ZMAT4: variants seen among roughly 807,000 people sequenced by gnomAD.
The protein encoded by ZMAT4 is zinc finger matrin-type protein 4.
Under a neutral mutation model 28.7 loss-of-function variants are expected in ZMAT4, and 17 were observed. The observed-to-expected ratio is 0.59, with a 90% confidence interval of 0.41 to 0.89. ZMAT4 has a LOEUF of 0.89. Ranked by LOEUF, ZMAT4 falls within the 40% of genes least tolerant of loss-of-function variation. The probability of loss-of-function intolerance (pLI) is 0.00; values close to 1 mark genes in which losing one functional copy is unlikely to be tolerated. For synonymous variants in ZMAT4, 117 were observed against 109.2 expected, an observed-to-expected ratio of 1.07 and a Z score of -0.44; for missense variants, 240 against 283.8, an observed-to-expected ratio of 0.85 and a Z score of 1.11.
intron 5 of ZMAT4, among the ~76,000 whole-genome samples, chr8:40,632,157 G>A (rs1446334296): frequency 6.6e-6 from 1 of 152,186 alleles, no homozygotes; most frequent in Non-Finnish European, 1.5e-5. Flanking sequence ...CTGGGGTGAA[G>A]TATTTGGTGC....
At chr8:40,557,045 A>T (rs1255778597) in intron 6 of ZMAT4, among the ~76,000 whole-genome samples, 3 of 152,130 alleles carry the variant, frequency 2.0e-5, no homozygotes, top group Middle Eastern at 3.2e-3. Context: ...CCTCCATGAG[A>T]TCAATTTTTT....
chr8:40,851,748 C>T (rs1817114846), intron 1 of ZMAT4, among the ~76,000 whole-genome samples: 1 of 152,074 alleles, frequency 6.6e-6, no homozygotes, highest in African/African-American at 2.4e-5. Context: ...ATTTAATGTC[C>T]TCCCTTATAG....
intron 3 of ZMAT4, among the ~76,000 whole-genome samples, chr8:40,734,283 A>C (rs1293235978): frequency 2.6e-5 from 4 of 152,204 alleles, no homozygotes; most frequent in African/African-American, 7.2e-5. Flanking sequence ...ACCCCACTGC[A>C]ACAATAAAAA....
At chr8:40,772,333 T>C (rs1813419474) in intron 2 of ZMAT4, among the ~76,000 whole-genome samples, 1 of 152,204 alleles carries the variant, frequency 6.6e-6, no homozygotes, top group African/African-American at 2.4e-5. Flanking sequence ...AAATGGAAAT[T>C]CAGGCCAGCC....
intron 5 of ZMAT4, among the ~76,000 whole-genome samples, chr8:40,611,402 G>A (rs192601677): frequency 7.9e-5 from 12 of 151,462 alleles, no homozygotes; most frequent in South Asian, 4.2e-4. Context: ...ACCCAGTGGC[G>A]CGATCTCTGC....
intron 1 of ZMAT4, among the ~76,000 whole-genome samples, chr8:40,862,346 C>G (rs1030912845): frequency 6.9e-6 from 1 of 144,118 alleles, no homozygotes; most frequent in Non-Finnish European, 1.5e-5. Context: ...CGCATATTCT[C>G]ACTCATAGGT....
chr8:40,808,846 T>C (rs1815199221), intron 2 of ZMAT4, among the ~76,000 whole-genome samples: 1 of 120,736 alleles, frequency 8.3e-6, no homozygotes, highest in Admixed American at 8.4e-5. Context: ...GGATGCCAAC[T>C]ATTTAAAAAA....
chr8:40,715,059 A>AAAAAAAAAG (rs1810789944), intron 3 of ZMAT4, among the ~76,000 whole-genome samples: 1 of 151,368 alleles, frequency 6.6e-6, no homozygotes, highest in East Asian at 1.9e-4. Context: ...AAAAAAAAAA[A>AAAAAAAAAG]AAAAAGTGTG....
chr8:40,667,854 A>C (rs1236045506), intron 5 of ZMAT4, among the ~76,000 whole-genome samples: 1 of 146,696 alleles, frequency 6.8e-6, no homozygotes, highest in Non-Finnish European at 1.5e-5. Flanking sequence ...AAAAACAACA[A>C]AAAAAAAAAC....
At chr8:40,613,867 G>A (rs1245157954) in intron 5 of ZMAT4, among the ~76,000 whole-genome samples, 2 of 152,178 alleles carry the variant, frequency 1.3e-5, no homozygotes, top group Non-Finnish European at 1.5e-5. Flanking sequence ...TGGAAGTGTG[G>A]GAGAGTTGGC....
intron 6 of ZMAT4, among the ~76,000 whole-genome samples, chr8:40,552,531 T>A (rs1012446884): frequency 6.6e-6 from 1 of 152,180 alleles, no homozygotes; most frequent in Non-Finnish European, 1.5e-5. Flanking sequence ...TTAACTAACA[T>A]TTACTGAACT....
intron 1 of ZMAT4, among the ~76,000 whole-genome samples, chr8:40,841,758 T>C (rs753921909): frequency 3.0e-4 from 45 of 152,336 alleles, no homozygotes; most frequent in Non-Finnish European, 5.9e-4. Context: ...TAAAATGCAC[T>C]GGGAATGGAG....
intron 2 of ZMAT4, among the ~76,000 whole-genome samples, chr8:40,819,734 G>C (rs1815679630): frequency 6.6e-6 from 1 of 152,014 alleles, no homozygotes; most frequent in African/African-American, 2.4e-5. Flanking sequence ...TGCATGTATG[G>C]CTGGCTTGAT....
intron 4 of ZMAT4, among the ~76,000 whole-genome samples, chr8:40,682,984 G>A (rs886919170): frequency 2.0e-5 from 3 of 152,176 alleles, no homozygotes; most frequent in Non-Finnish European, 1.5e-5. Context: ...TCCAAAGGCT[G>A]TAATATTGCA....
intron 1 of ZMAT4, among the ~76,000 whole-genome samples, chr8:40,863,143 G>A (rs759926082): frequency 1.3e-5 from 2 of 152,112 alleles, no homozygotes; most frequent in Non-Finnish European, 2.9e-5. Flanking sequence ...AGCAAGCCAC[G>A]CAGCACCATG....
At chr8:40,558,959 C>T (rs982226550) in intron 6 of ZMAT4, among the ~76,000 whole-genome samples, 2 of 152,206 alleles carry the variant, frequency 1.3e-5, no homozygotes, top group Admixed American at 1.3e-4. Context: ...TAAACAGGAC[C>T]TAAGGCCATG....
At chr8:40,661,814 G>A (rs554355722) in intron 5 of ZMAT4, among the ~76,000 whole-genome samples, 34 of 152,226 alleles carry the variant, frequency 2.2e-4, no homozygotes, top group African/African-American at 6.7e-4. Context: ...TACTACACCC[G>A]TTCTTGAGCT....
intron 6 of ZMAT4, among the ~76,000 whole-genome samples, chr8:40,552,958 G>T (rs1012814631): frequency 6.6e-6 from 1 of 152,164 alleles, no homozygotes; most frequent in Non-Finnish European, 1.5e-5. Context: ...AGCTAAGCAC[G>T]TGGGAGTTAT....
intron 6 of ZMAT4, among the ~76,000 whole-genome samples, chr8:40,572,765 C>T (rs936868962): frequency 3.3e-5 from 5 of 152,230 alleles, no homozygotes; most frequent in South Asian, 2.1e-4. Flanking sequence ...GTTAATATTT[C>T]TCCTGTTGTT....
Sources: allele counts gnomAD v4.1 joint callset (sites outside exome capture counted in the v4.1 genomes callset), GRCh38; gene constraint gnomAD v4.1.1; transcripts MANE v1.5; gene names NCBI Gene and HGNC (gene_info 2026-07-23, HGNC 2026-07-21).